ADAMTS17: variants seen among roughly 807,000 people sequenced by gnomAD.
ADAMTS17 encodes A disintegrin and metalloproteinase with thrombospondin motifs 17.
A neutral mutation model predicts 141.5 loss-of-function variants in ADAMTS17; 113 were observed. The ratio of observed to expected loss-of-function variants is 0.80; its 90% CI spans 0.69 to 0.93. The LOEUF (loss-of-function observed/expected upper bound fraction) is 0.93, where lower values mean the gene tolerates loss of function less well. Ranked by LOEUF, ADAMTS17 falls within the 40% of genes least tolerant of loss-of-function variation. The pLI is 0.00. For missense variants in ADAMTS17, 1,659 were observed against 1,517.9 expected (o/e 1.09, Z -1.54); for synonymous variants, 768 against 630.6 (o/e 1.22, Z -3.27).
At chr15:100,161,324 G>A (rs59083182) in intron 8 of ADAMTS17, among the ~76,000 whole-genome samples, 4 of 152,264 alleles carry the variant, frequency 2.6e-5, no homozygotes, top group Non-Finnish European at 5.9e-5. Context: ...GGCTCTGACC[G>A]TACCTGTCTC....
chr15:99,981,706 T>C (rs957157339), intron 20 of ADAMTS17, among the ~76,000 whole-genome samples: 8 of 152,244 alleles, frequency 5.3e-5, no homozygotes, highest in African/African-American at 1.4e-4. Context: ...CAAACCGTTA[T>C]AAAAATTTAC....
At chr15:100,235,429 C>G (rs2042626120) in intron 7 of ADAMTS17, among the ~76,000 whole-genome samples, 1 of 152,154 alleles carries the variant, frequency 6.6e-6, no homozygotes, top group Non-Finnish European at 1.5e-5. Context: ...GAGTTGAGCC[C>G]TCCCGTCTCT....
chr15:100,267,171 C>T (rs1462083009), intron 4 of ADAMTS17, among the ~76,000 whole-genome samples: 2 of 151,900 alleles, frequency 1.3e-5, no homozygotes, highest in Non-Finnish European at 2.9e-5. Context: ...CCCCACCCAA[C>T]CCCCATTCTA....
intron 7 of ADAMTS17, among the ~76,000 whole-genome samples, chr15:100,236,132 G>A (rs1365201602): frequency 1.3e-5 from 2 of 152,124 alleles, no homozygotes; most frequent in Non-Finnish European, 2.9e-5. Flanking sequence ...CAGACTCAGA[G>A]CAAGAGAACA....
chr15:100,297,321 T>A (rs1036816532), intron 3 of ADAMTS17, among the ~76,000 whole-genome samples: 11 of 152,296 alleles, frequency 7.2e-5, no homozygotes, highest in African/African-American at 2.6e-4. Flanking sequence ...TCTTCTTTAA[T>A]TCTGGGAGCA....
intron 15 of ADAMTS17, among the ~76,000 whole-genome samples, chr15:100,095,918 A>G (rs2035728222): frequency 6.6e-6 from 1 of 152,226 alleles, no homozygotes; most frequent in Non-Finnish European, 1.5e-5. Context: ...TCCAGACTGT[A>G]CGGCTTCATG....
intron 3 of ADAMTS17, among the ~76,000 whole-genome samples, chr15:100,310,195 C>T (rs1185249643): frequency 2.0e-5 from 3 of 152,176 alleles, no homozygotes; most frequent in Admixed American, 2.0e-4. Flanking sequence ...AGGAAACCAA[C>T]AGGCCAAACA....
intron 18 of ADAMTS17, among the ~76,000 whole-genome samples, chr15:99,998,837 CAT>C (rs1287989520): frequency 6.6e-6 from 1 of 152,170 alleles, no homozygotes; most frequent in Non-Finnish European, 1.5e-5. Context: ...TGTCCTGCCT[CAT>C]AAACTCCTCG....
intron 3 of ADAMTS17, among the ~76,000 whole-genome samples, chr15:100,307,669 C>T (rs368122807): frequency 1.3e-5 from 2 of 152,212 alleles, no homozygotes; most frequent in South Asian, 2.1e-4. Flanking sequence ...TGCCGTTTTA[C>T]TGTGATGAAA....
intron 10 of ADAMTS17, among the ~76,000 whole-genome samples, chr15:100,146,304 T>G (rs1489544351): frequency 6.6e-6 from 1 of 152,242 alleles, no homozygotes; most frequent in East Asian, 1.9e-4. Context: ...GAACGTGGAT[T>G]GTGAAGATTT....
At chr15:100,153,516 C>T (rs1463254834) in intron 9 of ADAMTS17, among the ~76,000 whole-genome samples, 2 of 152,094 alleles carry the variant, frequency 1.3e-5, no homozygotes, top group African/African-American at 2.4e-5. Flanking sequence ...GTTGTAGTCC[C>T]ACCTGTAGTC....
intron 10 of ADAMTS17, among the ~76,000 whole-genome samples, chr15:100,134,222 G>T (rs116797644): frequency 0.018 from 2,783 of 152,262 alleles, 92 homozygotes; most frequent in African/African-American, 0.064. Context: ...AGGGTCCTGG[G>T]GGGGATGGCC....
intron 2 of ADAMTS17, among the ~76,000 whole-genome samples, chr15:100,338,830 A>G (rs1703873814): frequency 6.6e-6 from 1 of 152,200 alleles, no homozygotes; most frequent in African/African-American, 2.4e-5. Flanking sequence ...ACACAACATC[A>G]TCAGCCACCT....
chr15:100,126,808 T>C (rs776784131), intron 12 of ADAMTS17, among the ~76,000 whole-genome samples: 19 of 152,184 alleles, frequency 1.2e-4, no homozygotes, highest in Non-Finnish European at 2.2e-4. Context: ...GAAGGCAGCA[T>C]GGTGTCCAAA....
At chr15:99,976,316 T>C (rs978061544) in intron 20 of ADAMTS17, 94 bp from the exon 21 acceptor site, 3 of 1,468,074 alleles carry the variant, frequency 2.0e-6, no homozygotes, top group South Asian at 1.2e-5. Context: ...CAGGACAGCC[T>C]GAGTGGGGGC....
Position 100,068,979 on chromosome 15 carries a change from A to G in ADAMTS17, c.2138-14925T>C, listed in dbSNP as rs564340167. On this transcript the variant is annotated intron_variant, in intron 15 of 21. Coordinates refer to ENST00000268070, the MANE Select transcript of ADAMTS17 (RefSeq NM_139057.4). The stretch of plus-strand genomic sequence containing the variant: ...GAGGAAGTTGAAACCTATGGCATAG[A>G]AGTTAAAAACCTTGAAAAAAGATTA... Among the ~76,000 whole-genome samples, 138 of 152,316 alleles carry G rather than the reference A, an allele frequency of 9.1e-4. 1 individual carries two copies. Among genetic ancestry groups the G allele is most frequent in the Non-Finnish European group, 1.6e-3 (112 of 68,032 alleles).
intron 3 of ADAMTS17, among the ~76,000 whole-genome samples, chr15:100,322,979 C>T (rs1186816575): frequency 2.7e-5 from 4 of 149,272 alleles, no homozygotes; most frequent in Non-Finnish European, 1.5e-5. Context: ...CCCAGCTACT[C>T]AGGAGGCTGA....
At chr15:100,228,954 G>C (rs1391060507) in intron 7 of ADAMTS17, among the ~76,000 whole-genome samples, 2 of 152,208 alleles carry the variant, frequency 1.3e-5, no homozygotes, top group African/African-American at 2.4e-5. Flanking sequence ...CAGAAGAGAA[G>C]TTGGATAGTG....
At chr15:100,009,772 C>T (rs1427494488) in intron 18 of ADAMTS17, among the ~76,000 whole-genome samples, 1 of 152,180 alleles carries the variant, frequency 6.6e-6, no homozygotes, top group Non-Finnish European at 1.5e-5. Context: ...GAGATGGTCA[C>T]ATTCATCTTA....
Sources: gnomAD v4.1 joint callset for allele counts (sites outside exome capture counted in the v4.1 genomes callset) on GRCh38, gnomAD v4.1.1 for gene constraint, MANE v1.5 for transcripts, NCBI Gene and HGNC (gene_info 2026-07-23, HGNC 2026-07-21) for gene names.